Variants in DOCK11 observed in about 807,000 individuals in gnomAD.
The protein encoded by DOCK11 is dedicator of cytokinesis 11, also known as dedicator of cytokinesis protein 11.
In DOCK11, 70 loss-of-function variants were observed where a neutral mutation model predicts 169.1. The ratio of observed to expected loss-of-function variants is 0.41; its 90% CI spans 0.34 to 0.51. The LOEUF (loss-of-function observed/expected upper bound fraction) is 0.51, where lower values mean the gene tolerates loss of function less well. Among genes scored for constraint, DOCK11 ranks in the 20% least tolerant of loss-of-function variants. The pLI is 0.10. For missense variants in DOCK11, 1,166 were observed against 1,538.8 expected (o/e 0.76, Z 4.05); for synonymous variants, 529 against 541.3 (o/e 0.98, Z 0.32).
chrX:118,668,653 C>T (rs2016393845), intron 45 of DOCK11, among the ~76,000 whole-genome samples: 1 of 111,298 alleles, frequency 9.0e-6, no homozygotes, highest in Non-Finnish European at 1.9e-5. Context: ...AGAATCACAG[C>T]CTATTGGAAA....
At chrX:118,542,498 G>A (rs746209436) in intron 1 of DOCK11, among the ~76,000 whole-genome samples, 72 of 88,613 alleles carry the variant, frequency 8.1e-4, no homozygotes, top group Middle Eastern at 5.6e-3. Flanking sequence ...GCAAGAGAAT[G>A]TCTGTGTGTG....
chrX:118,622,462 A>G (rs2014998139), intron 31 of DOCK11, among the ~76,000 whole-genome samples: 1 of 111,076 alleles, frequency 9.0e-6, no homozygotes. Context: ...GTGCAGGCAA[A>G]ATTTTTAACA....
intron 1 of DOCK11, among the ~76,000 whole-genome samples, chrX:118,511,840 T>C (rs1672837573): frequency 8.9e-6 from 1 of 112,287 alleles, no homozygotes; most frequent in Admixed American, 9.5e-5. Flanking sequence ...GTTCAGTTCA[T>C]GCTCAAATCC....
intron 32 of DOCK11, among the ~76,000 whole-genome samples, chrX:118,626,498 C>G (rs2015108431): frequency 8.9e-6 from 1 of 111,867 alleles, no homozygotes; most frequent in Non-Finnish European, 1.9e-5. Context: ...AACTTCTGCC[C>G]CCATCCATGT....
intron 28 of DOCK11, 39 bp downstream of exon 28, chrX:118,610,457 C>A (rs1432702222): frequency 6.7e-6 from 8 of 1,185,663 alleles, no homozygotes; most frequent in Admixed American, 4.7e-5. Flanking sequence ...AGGAACTCCT[C>A]TTCATTGATA....
intron 24 of DOCK11, among the ~76,000 whole-genome samples, chrX:118,607,184 T>C (rs2014542270): frequency 3.0e-5 from 3 of 98,583 alleles, no homozygotes; most frequent in Middle Eastern, 4.9e-3. Context: ...GGTGCAATCT[T>C]GGCTCACTGC....
chrX:118,671,177 T>TA, intron 46 of DOCK11, 32 bp downstream of exon 46: 1 of 1,178,530 alleles, frequency 8.5e-7, no homozygotes, highest in East Asian at 3.0e-5. Context: ...ATCATTGACT[T>TA]ATGTATTTTA....
intron 1 of DOCK11, among the ~76,000 whole-genome samples, chrX:118,519,887 A>T (rs750177671): frequency 9.0e-5 from 10 of 111,179 alleles, no homozygotes; most frequent in Non-Finnish European, 1.5e-4. Flanking sequence ...ACACACTGTC[A>T]CTCCTCTGCC....
intron 42 of DOCK11, among the ~76,000 whole-genome samples, chrX:118,654,397 A>G (rs750594782): frequency 8.9e-6 from 1 of 112,154 alleles, no homozygotes; most frequent in Admixed American, 9.5e-5. Context: ...CTGTGAATGT[A>G]CTGCCACCAA....
chrX:118,561,068 G>A (rs1035898697), intron 6 of DOCK11, among the ~76,000 whole-genome samples: 2 of 111,998 alleles, frequency 1.8e-5, no homozygotes, highest in African/African-American at 6.5e-5. Flanking sequence ...ATCATGGTTT[G>A]CAATTAAATG....
chrX:118,681,073 C>T lies in DOCK11; in HGVS notation c.5687C>T (p.Pro1896Leu). The change falls in exon 50 of 53, where the codon CCT becomes CTT. Residue 1896 changes from proline to leucine, a missense_variant. Pro to Leu is a moderately conservative substitution (Grantham distance 98, BLOSUM62 -3). Coordinates refer to ENST00000276202, the MANE Select transcript of DOCK11 (RefSeq NM_144658.4). ...RTILTTSNSF[P>L]YVKKRIPINC... ...ATTTTAATAGCTTCAAACTCGTTTCCTTACGTGAAGAAGAGGATTCCTATT... is the reference window on the plus strand; with the variant it reads ...ATTTTAATAGCTTCAAACTCGTTTCTTTACGTGAAGAAGAGGATTCCTATT... 1 of 1,173,690 alleles carries T rather than the reference C, an allele frequency of 8.5e-7. No individual in the cohort carries two copies. The highest frequency in any genetic ancestry group is 1.1e-6 in the Non-Finnish European group (1 of 878,473).
At chrX:118,595,320 A>C (rs1292059497) in intron 20 of DOCK11, among the ~76,000 whole-genome samples, 1 of 111,871 alleles carries the variant, frequency 8.9e-6, no homozygotes, top group Non-Finnish European at 1.9e-5. Context: ...TGATTTAGTT[A>C]GCAATGAAGT....
chrX:118,656,205 A>G (rs1428751722), intron 44 of DOCK11, among the ~76,000 whole-genome samples: 1 of 110,427 alleles, frequency 9.1e-6, no homozygotes, highest in Non-Finnish European at 1.9e-5. Context: ...GTAGGATCAT[A>G]GCTTGAGCCC....
intron 46 of DOCK11, among the ~76,000 whole-genome samples, chrX:118,672,586 C>T (rs1419069688): frequency 1.8e-5 from 2 of 112,193 alleles, no homozygotes; most frequent in Non-Finnish European, 3.8e-5. Context: ...GCGCCCGCCA[C>T]CGCGCCCGAC....
chrX:118,648,827 A>T (rs2015877242), intron 40 of DOCK11, 118 bp from the exon 41 acceptor site: 3 of 612,724 alleles, frequency 4.9e-6, no homozygotes, highest in African/African-American at 4.7e-5. Context: ...CCTTATGTTG[A>T]TTTTGTATCC....
At chrX:118,577,380 C>T (rs1158885954) in intron 12 of DOCK11, among the ~76,000 whole-genome samples, 2 of 112,258 alleles carry the variant, frequency 1.8e-5, no homozygotes, top group African/African-American at 6.5e-5. Context: ...ATGTGCATTA[C>T]TTCATTTAAT....
intron 18 of DOCK11, among the ~76,000 whole-genome samples, chrX:118,589,200 C>T (rs2013908994): frequency 9.1e-6 from 1 of 109,457 alleles, no homozygotes; most frequent in Admixed American, 9.8e-5. Flanking sequence ...AATAATAGCC[C>T]CTACCTTTGA....
intron 1 of DOCK11, among the ~76,000 whole-genome samples, chrX:118,508,650 C>T (rs762165013): frequency 1.8e-5 from 2 of 111,512 alleles, no homozygotes; most frequent in Non-Finnish European, 3.8e-5. Flanking sequence ...CAATAGCTCT[C>T]GTTGTGTCCA....
rs977882483 is a variant in DOCK11 at position 118,681,253 on chromosome X, G to A, written c.5862+5G>A. The A allele has an allele frequency of 2.6e-6, 3 of 1,168,408 alleles. No homozygotes were observed. Among genetic ancestry groups the A allele is most frequent in the Non-Finnish European group, 3.4e-6 (3 of 875,511 alleles). On this transcript the variant is annotated splice_donor_5th_base_variant and intron_variant, in intron 50 of 52. Transcript: ENST00000276202. ...CAGGGCTGTGTTTCTGTGCAGGTAC[G>A]TTGGTCATCCAACATGTATTGAATG...
Sources: gnomAD v4.1 joint callset for allele counts (sites outside exome capture counted in the v4.1 genomes callset) on GRCh38, gnomAD v4.1.1 for gene constraint, MANE v1.5 for transcripts, NCBI Gene and HGNC (gene_info 2026-07-23, HGNC 2026-07-21) for gene names.